Variants in MRC1 observed in about 807,000 individuals in gnomAD.
MRC1 encodes mannose receptor C-type 1.
Under a neutral mutation model 102.9 loss-of-function variants are expected in MRC1, and 62 were observed. The ratio of observed to expected loss-of-function variants is 0.60; its 90% CI spans 0.49 to 0.74. MRC1 has a LOEUF of 0.74. Among genes scored for constraint, MRC1 ranks in the 30% least tolerant of loss-of-function variants. The probability of loss-of-function intolerance (pLI) is 0.00; values close to 1 mark genes in which losing one functional copy is unlikely to be tolerated. For synonymous variants in MRC1, 457 were observed against 298.4 expected (o/e 1.53, Z -5.48); for missense variants, 1,237 against 862.8 (o/e 1.43, Z -5.43).
chr10:17,878,021 C>A, intron 18 of MRC1, 54 bp downstream of exon 18: 5 of 848,762 alleles, frequency 5.9e-6, no homozygotes, highest in Non-Finnish European at 1.0e-5. Context: ...CTGACCAATA[C>A]CTATGAGTTA....
chr10:17,859,031 T>C (rs1833140307), intron 9 of MRC1, among the ~76,000 whole-genome samples: 1 of 152,252 alleles, frequency 6.6e-6, no homozygotes, highest in African/African-American at 2.4e-5. Flanking sequence ...TCTTGCTTTT[T>C]ATCTTTTCAT....
chr10:17,875,230 GA>G lies in MRC1; in HGVS notation c.2531del (p.Lys844ArgfsTer8). On this transcript the variant is annotated frameshift_variant, in exon 17 of 30. Coordinates refer to ENST00000569591, the MANE Select transcript of MRC1 (RefSeq NM_002438.4). LOFTEE classifies it high-confidence loss of function. Reference protein sequence around the residue: ...GDLVSIQSESEKKFLWKYVNR... With the variant: ...GDLVSIQSESXKKFLWKYVNR... ...TCTTGTTTCTATTCAAAGTGAAAGT[GA>G]AAAGAAGTTTCTATGGAAATATGTA... is the stretch of plus-strand genomic sequence containing the variant. The G allele has an allele frequency of 1.3e-6, 1 of 780,812 alleles. No homozygotes were observed. The highest frequency in any genetic ancestry group is 2.4e-6 in the Non-Finnish European group (1 of 417,938). 48.4% of individuals were successfully genotyped at this position (780,812 alleles called of 1,614,324 possible).
chr10:17,817,425 G>A (rs997878796), intron 1 of MRC1, among the ~76,000 whole-genome samples: 1 of 152,014 alleles, frequency 6.6e-6, no homozygotes, highest in Non-Finnish European at 1.5e-5. Context: ...TTTACTAAAT[G>A]TATTTTGATC....
At chr10:17,853,561 G>GATAT (rs1168114504) in intron 8 of MRC1, among the ~76,000 whole-genome samples, 2 of 144,782 alleles carry the variant, frequency 1.4e-5, no homozygotes, top group East Asian at 4.0e-4. Flanking sequence ...TGTAAAAAGA[G>GATAT]ATATATATGT....
chr10:17,842,368 A>G (rs1055358216), intron 5 of MRC1, among the ~76,000 whole-genome samples: 2 of 152,230 alleles, frequency 1.3e-5, no homozygotes, highest in Non-Finnish European at 2.9e-5. Flanking sequence ...TTTAGAGAAT[A>G]TATTTTGGCT....
chr10:17,839,351 T>A (rs1000738889), intron 4 of MRC1, among the ~76,000 whole-genome samples: 1 of 152,222 alleles, frequency 6.6e-6, no homozygotes, highest in Non-Finnish European at 1.5e-5. Context: ...ATTTTCGTAA[T>A]TAAGTTTTTT....
intron 4 of MRC1, among the ~76,000 whole-genome samples, chr10:17,840,141 C>G (rs1456240608): frequency 1.5e-5 from 2 of 130,702 alleles, no homozygotes; most frequent in African/African-American, 4.0e-5. Flanking sequence ...CGTGTTGTTT[C>G]TGGTTTTATG....
At chr10:17,840,890 A>T (rs545227198) in intron 5 of MRC1, 84 bp downstream of exon 5, 1 of 778,620 alleles carries the variant, frequency 1.3e-6, no homozygotes, top group South Asian at 1.3e-5. Flanking sequence ...TCACCTGTTG[A>T]TCTCAAAGAG....
At chr10:17,849,910 A>G in intron 7 of MRC1, 146 bp downstream of exon 7, 1 of 589,138 alleles carries the variant, frequency 1.7e-6, no homozygotes, top group Non-Finnish European at 3.1e-6. Context: ...TTAATCACAA[A>G]TGCTGAAAAT....
At chr10:17,866,295 G>A (rs905425351) in intron 11 of MRC1, among the ~76,000 whole-genome samples, 1 of 145,264 alleles carries the variant, frequency 6.9e-6, no homozygotes, top group East Asian at 1.9e-4. Context: ...GAAGGAAAAA[G>A]GGAAGGAAGG....
intron 26 of MRC1, among the ~76,000 whole-genome samples, 190 bp from the exon 27 acceptor site, chr10:17,906,696 G>T (rs2130724792): frequency 6.6e-6 from 1 of 152,274 alleles, no homozygotes; most frequent in South Asian, 2.1e-4. Context: ...TGATGCTAAT[G>T]ATGCTTAAAA....
chr10:17,836,201 C>T (rs1006037487), intron 4 of MRC1, among the ~76,000 whole-genome samples: 3 of 152,196 alleles, frequency 2.0e-5, no homozygotes, highest in African/African-American at 7.2e-5. Flanking sequence ...TCAGATGACA[C>T]CCGTCACCAA....
Position 17,823,369 on chromosome 10 carries a change from C to T in MRC1, c.357C>T (p.Tyr119=), listed in dbSNP as rs782202601. The T allele has an allele frequency of 9.3e-5, 73 of 780,768 alleles. No homozygotes were observed. The highest frequency in any genetic ancestry group is 2.5e-4 in the South Asian group (19 of 74,620). 48.4% of individuals were successfully genotyped at this position (780,768 alleles called of 1,614,324 possible). A position where few individuals can be genotyped will look rare whatever the true frequency, so the allele number is the denominator to read the frequency against. Residue 119 remains tyrosine (Y), a synonymous_variant, in exon 2 of 30, where the codon TAC becomes TAT. Transcript: ENST00000569591. ...GIKGEDLFFN[Y]GNRQEKNIML... is the part of the protein sequence containing the mutation. ...AAGGAGAAGATTTATTTTTTAACTA[C>T]GGCAACAGACAAGAAAAGAATATTA...
intron 8 of MRC1, among the ~76,000 whole-genome samples, chr10:17,855,408 A>C (rs1833072121): frequency 2.6e-5 from 4 of 151,850 alleles, no homozygotes; most frequent in Admixed American, 2.0e-4. Flanking sequence ...CGTCTCTACT[A>C]AAAATATAAA....
chr10:17,836,765 G>A (rs2130618503), intron 4 of MRC1, among the ~76,000 whole-genome samples: 1 of 152,164 alleles, frequency 6.6e-6, no homozygotes, highest in Admixed American at 6.5e-5. Flanking sequence ...GAACCTGGGA[G>A]GTGGAGGTTG....
intron 9 of MRC1, among the ~76,000 whole-genome samples, chr10:17,858,296 A>G (rs928533966): frequency 1.2e-4 from 18 of 152,084 alleles, no homozygotes; most frequent in African/African-American, 4.3e-4. Context: ...TCCTGCTGTC[A>G]CACTAATTCT....
chr10:17,819,411 CAA>C (rs1317181345), intron 1 of MRC1, among the ~76,000 whole-genome samples: 1 of 149,604 alleles, frequency 6.7e-6, no homozygotes, highest in African/African-American at 2.5e-5. Context: ...GGAGTTGGAG[CAA>C]AGAGAATGAA....
chr10:17,811,755 T>A (rs1406651309), intron 1 of MRC1, among the ~76,000 whole-genome samples: 1 of 152,042 alleles, frequency 6.6e-6, no homozygotes, highest in African/African-American at 2.4e-5. Context: ...TTTTTTTATT[T>A]TTTTTTATTT....
chr10:17,826,298 G>A (rs1366929687), intron 2 of MRC1, among the ~76,000 whole-genome samples: 1 of 152,072 alleles, frequency 6.6e-6, no homozygotes, highest in Admixed American at 6.6e-5. Flanking sequence ...CGCCTCCCGG[G>A]TTCAAGCGAT....
Sources: allele counts gnomAD v4.1 joint callset (sites outside exome capture counted in the v4.1 genomes callset), GRCh38; gene constraint gnomAD v4.1.1; transcripts MANE v1.5; gene names NCBI Gene and HGNC (gene_info 2026-07-23, HGNC 2026-07-21).